The following MYOF variants were observed in gnomAD, a reference collection of about 807,000 sequenced individuals.
The protein encoded by MYOF is fer-1-like 3, myoferlin.
A neutral mutation model predicts 284.2 loss-of-function variants in MYOF; 244 were observed. The observed-to-expected ratio is 0.86, with a 90% CI of 0.77 to 0.95. MYOF has a LOEUF of 0.95. Ranked by LOEUF, MYOF falls within the 40% of genes least tolerant of loss-of-function variation. The probability of loss-of-function intolerance (pLI) is 0.00; values close to 1 mark genes in which losing one functional copy is unlikely to be tolerated. For missense variants in MYOF, 2,496 were observed against 2,560.6 expected (o/e 0.97, Z 0.54); for synonymous variants, 904 against 919.7 (o/e 0.98, Z 0.31).
intron 1 of MYOF, among the ~76,000 whole-genome samples, chr10:93,465,439 C>T (rs190553450): frequency 4.7e-4 from 71 of 152,212 alleles, no homozygotes; most frequent in Non-Finnish European, 6.8e-4. Context: ...ATACAAAGTG[C>T]CCAGCCCAGG....
intron 49 of MYOF, among the ~76,000 whole-genome samples, chr10:93,318,306 A>G (rs1455109775): frequency 1.3e-5 from 2 of 152,098 alleles, no homozygotes; most frequent in African/African-American, 2.4e-5. Flanking sequence ...CTATAGTTCC[A>G]GCTACTAGGG....
intron 3 of MYOF, among the ~76,000 whole-genome samples, chr10:93,440,243 T>C (rs7099950): frequency 0.28 from 42,948 of 151,900 alleles, 7,365 homozygotes; most frequent in East Asian, 0.73. Context: ...GAAACCCCAT[T>C]TCTACTAAAA....
intron 45 of MYOF, among the ~76,000 whole-genome samples, chr10:93,328,465 T>C (rs556630528): frequency 1.3e-5 from 2 of 152,356 alleles, no homozygotes; most frequent in East Asian, 3.9e-4. Flanking sequence ...CACTACTGTA[T>C]GGGCATTTTT....
intron 13 of MYOF, among the ~76,000 whole-genome samples, chr10:93,398,424 G>A (rs1249417116): frequency 6.6e-6 from 1 of 152,156 alleles, no homozygotes; most frequent in Non-Finnish European, 1.5e-5. Context: ...TTTCTTGTTT[G>A]CTTGTTTATT....
intron 16 of MYOF, 56 bp downstream of exon 16, chr10:93,396,086 C>A: frequency 7.1e-7 from 1 of 1,403,170 alleles, no homozygotes; most frequent in Non-Finnish European, 9.9e-7. Context: ...ATTTTTTTCT[C>A]AGACTGGAGA....
At chr10:93,395,226 C>A (rs951579818) in intron 16 of MYOF, among the ~76,000 whole-genome samples, 2 of 152,186 alleles carry the variant, frequency 1.3e-5, no homozygotes, top group Admixed American at 6.5e-5. Context: ...GGGTGGATCA[C>A]CAGGTCAGGA....
chr10:93,332,209 C>G (rs1843337628), intron 43 of MYOF, among the ~76,000 whole-genome samples: 2 of 144,940 alleles, frequency 1.4e-5, no homozygotes, highest in Non-Finnish European at 3.0e-5. Context: ...GGTCTGAGTT[C>G]AAATCCTCAT....
rs377244383 is a variant in MYOF, at chr10:93,345,078, G to C, written c.4250-1146C>G. Reference sequence around the variant, plus strand: ...CCAAACAGGAAGACATTTAACAGAAGGCCAGAACCTAGACAGAACAAACTC... The same window carrying C: ...CCAAACAGGAAGACATTTAACAGAACGCCAGAACCTAGACAGAACAAACTC... On this transcript the variant is annotated intron_variant, in intron 37 of 53. Coordinates refer to ENST00000359263, the MANE Select transcript of MYOF (RefSeq NM_013451.4). 2.6e-4 allele frequency among the ~76,000 whole-genome samples: 40 copies of C among 152,272 alleles called. 1 individual carries two copies. The East Asian group carries it at 4.8e-3, about 18-fold the overall frequency.
chr10:93,369,496 T>G lies in MYOF; in HGVS notation c.2589+149A>C, dbSNP rs1845489922. The stretch of plus-strand genomic sequence containing the variant: ...TCTCAGGAGCATCTTCTCTTATCCC[T>G]TAGGTTAAGATCCCTTCGATGGGAT... On this transcript the variant is annotated intron_variant, in intron 25 of 53. Coordinates refer to ENST00000359263, the MANE Select transcript of MYOF (RefSeq NM_013451.4). 3 of 1,082,888 alleles carry G rather than the reference T, an allele frequency of 2.8e-6. No individual in the cohort carries two copies. In the African/African-American group the frequency reaches 4.8e-5, roughly 17 times the overall value. 67.1% of individuals were successfully genotyped at this position (1,082,888 alleles called of 1,614,324 possible).
intron 43 of MYOF, 89 bp downstream of exon 43, chr10:93,333,132 C>T (rs1843411409): frequency 9.2e-7 from 1 of 1,084,026 alleles, no homozygotes; most frequent in East Asian, 2.4e-5. Context: ...AGTTTCAGAG[C>T]CTAGGACAGG....
chr10:93,375,062 A>G, intron 22 of MYOF, 107 bp from the exon 23 acceptor site: 1 of 1,078,824 alleles, frequency 9.3e-7, no homozygotes, highest in Non-Finnish European at 1.3e-6. Flanking sequence ...TGCAAACCAC[A>G]TCAACCTCCT....
chr10:93,451,147 C>T (rs144171616), intron 3 of MYOF, among the ~76,000 whole-genome samples: 1 of 152,166 alleles, frequency 6.6e-6, no homozygotes, highest in Admixed American at 6.5e-5. Flanking sequence ...CAAGACCAGC[C>T]TAGCCAACAT....
Position 93,310,184 on chromosome 10 carries a change from C to CAGT in MYOF, c.6000-20_6000-18dup. On this transcript the variant is annotated splice_polypyrimidine_tract_variant and intron_variant, in intron 52 of 53. Coordinates refer to ENST00000359263, the MANE Select transcript of MYOF (RefSeq NM_013451.4). ...TCTGGTCGACTGCATTGCAAAGAAA[C>CAGT]AGTATCACCTACCCAACTCAGGAGG... The CAGT allele has an allele frequency of 6.2e-7, 1 of 1,613,102 alleles. No individual in the cohort carries two copies. Among genetic ancestry groups the CAGT allele is most frequent in the Non-Finnish European group, 8.5e-7 (1 of 1,179,102 alleles).
At chr10:93,329,411 T>C (rs1843198149) in intron 44 of MYOF, among the ~76,000 whole-genome samples, 1 of 152,236 alleles carries the variant, frequency 6.6e-6, no homozygotes, top group African/African-American at 2.4e-5. Context: ...AACTGGTCTC[T>C]GGGCTGCTAA....
At chr10:93,409,464 G>T in intron 6 of MYOF, 109 bp downstream of exon 6, 1 of 1,282,112 alleles carries the variant, frequency 7.8e-7, no homozygotes, top group Non-Finnish European at 1.1e-6. Flanking sequence ...TCTCTTTACC[G>T]GTTGAGCCAT....
intron 27 of MYOF, among the ~76,000 whole-genome samples, chr10:93,362,200 G>A (rs148949698): frequency 0.017 from 2,489 of 150,806 alleles, 18 homozygotes; most frequent in Middle Eastern, 0.033. Flanking sequence ...TGCCCACCTC[G>A]GCCTCCCAAA....
At chr10:93,385,160 A>T (rs1185703918) in intron 19 of MYOF, among the ~76,000 whole-genome samples, 1 of 152,218 alleles carries the variant, frequency 6.6e-6, no homozygotes, top group African/African-American at 2.4e-5. Flanking sequence ...AAGCAGTCCA[A>T]GAACAGACTC....
rs766314651 is a variant in MYOF at position 93,329,749 on chromosome 10, T to A, written c.4897A>T (p.Lys1633Ter). The change falls in exon 44 of 54, where the codon AAA becomes TAA. Residue 1633 changes from lysine to a stop codon, truncating the protein, a stop_gained. Coordinates refer to ENST00000359263, the MANE Select transcript of MYOF (RefSeq NM_013451.4). LOFTEE classifies it high-confidence loss of function. ...YDYDTFTRDE[K>*]VGETIIDLEN... The stretch of plus-strand genomic sequence containing the variant: ...AGATCAATAATTGTTTCTCCTACTT[T>A]TTCATCCCGGGTAAAGGTGTCATAA... 6.2e-7 allele frequency: 1 copy of A among 1,614,208 alleles called. No homozygotes were observed. Among genetic ancestry groups the A allele is most frequent in the South Asian group, 1.1e-5 (1 of 91,088 alleles).
intron 16 of MYOF, among the ~76,000 whole-genome samples, chr10:93,393,689 C>T (rs377233745): frequency 6.6e-6 from 1 of 152,140 alleles, no homozygotes; most frequent in South Asian, 2.1e-4. Flanking sequence ...ATTTTTATTT[C>T]GTGTAATGGT....
Sources: gnomAD v4.1 joint callset for allele counts (sites outside exome capture counted in the v4.1 genomes callset) on GRCh38, gnomAD v4.1.1 for gene constraint, MANE v1.5 for transcripts, NCBI Gene and HGNC (gene_info 2026-07-23, HGNC 2026-07-21) for gene names.